AP4E1: variants seen among roughly 807,000 people sequenced by gnomAD.
The protein encoded by AP4E1 is AP-4 complex subunit epsilon-1.
In AP4E1, 56 loss-of-function variants were observed where a neutral mutation model predicts 128.2. The ratio of observed to expected loss-of-function variants is 0.44; its 90% CI spans 0.35 to 0.55. The LOEUF (loss-of-function observed/expected upper bound fraction) is 0.55, where lower values mean the gene tolerates loss of function less well. Among genes scored for constraint, AP4E1 ranks in the 20% least tolerant of loss-of-function variants. The probability of loss-of-function intolerance (pLI) is 0.00; values close to 1 mark genes in which losing one functional copy is unlikely to be tolerated. For synonymous variants in AP4E1, 484 were observed against 473.1 expected (o/e 1.02, Z -0.30); for missense variants, 1,324 against 1,307.7 (o/e 1.01, Z -0.19).
intron 15 of AP4E1, among the ~76,000 whole-genome samples, chr15:50,982,147 C>G (rs1374047991): frequency 6.6e-6 from 1 of 150,576 alleles, no homozygotes; most frequent in East Asian, 2.0e-4. Context: ...ACTATCTTCC[C>G]TTCTGCTTTC....
chr15:50,917,411 T>G (rs1235406561), intron 3 of AP4E1, among the ~76,000 whole-genome samples: 3 of 152,230 alleles, frequency 2.0e-5, no homozygotes, highest in African/African-American at 7.2e-5. Flanking sequence ...ATTTCTTTGC[T>G]TTCTAATCTT....
Position 50,964,955 on chromosome 15 carries a change from C to CCACACACACACACACACACACACACACA in AP4E1, c.1852-3298_1852-3271dup, listed in dbSNP as rs55825810. Among the ~76,000 whole-genome samples, 169 of 131,440 alleles carry CCACACACACACACACACACACACACACA rather than the reference C, an allele frequency of 1.3e-3. 1 individual carries two copies. Among genetic ancestry groups the CCACACACACACACACACACACACACACA allele is most frequent in the Middle Eastern group, 7.2e-3 (2 of 278 alleles). The allele number at this position is 131,440 out of a possible 152,430, so 86.2% of individuals were successfully genotyped here. The stretch of plus-strand genomic sequence containing the variant: ...TTGTAAAGTATAACACCTCCCCCTA[C>CCACACACACACACACACACACACACACA]CACACACACACACACACACACACAC... On this transcript the variant is annotated intron_variant, in intron 14 of 20. Coordinates refer to ENST00000261842, the MANE Select transcript of AP4E1 (RefSeq NM_007347.5).
intron 17 of AP4E1, among the ~76,000 whole-genome samples, chr15:50,993,887 G>T (rs761487414): frequency 2.0e-5 from 3 of 152,182 alleles, no homozygotes; most frequent in Non-Finnish European, 4.4e-5. Context: ...TCCAAATAAG[G>T]TTACAGGTAT....
At chr15:50,939,570 A>G (rs552048224) in intron 8 of AP4E1, among the ~76,000 whole-genome samples, 10 of 152,316 alleles carry the variant, frequency 6.6e-5, no homozygotes, top group Non-Finnish European at 1.2e-4. Flanking sequence ...GGGTGAGAAA[A>G]TAATTTAAAA....
intron 15 of AP4E1, among the ~76,000 whole-genome samples, chr15:50,982,265 A>T (rs537781619): frequency 3.0e-4 from 45 of 152,242 alleles, no homozygotes; most frequent in Admixed American, 1.5e-3. Flanking sequence ...TCTGTTCATT[A>T]TAAATCACCT....
At chr15:51,002,429 G>A (rs183999698) in intron 20 of AP4E1, 73 bp from the exon 21 acceptor site, 2 of 1,518,280 alleles carry the variant, frequency 1.3e-6, no homozygotes, top group African/African-American at 1.4e-5. Context: ...TTAGCCATTT[G>A]TGTATCTTCT....
At chr15:50,927,548 C>G (rs1282690146) in intron 5 of AP4E1, among the ~76,000 whole-genome samples, 1 of 148,280 alleles carries the variant, frequency 6.7e-6, no homozygotes, top group Non-Finnish European at 1.5e-5. Context: ...CTTCATTTAC[C>G]TATTCTCCCC....
chr15:50,921,594 G>A (rs1034689586), intron 3 of AP4E1, among the ~76,000 whole-genome samples: 24 of 151,858 alleles, frequency 1.6e-4, no homozygotes, highest in Middle Eastern at 3.4e-3. Flanking sequence ...CGAGTGATCC[G>A]CCTGCCTCAG....
intron 3 of AP4E1, among the ~76,000 whole-genome samples, chr15:50,923,007 A>G (rs28702388): frequency 0.44 from 66,042 of 151,808 alleles, 14,552 homozygotes; most frequent in East Asian, 0.59. Flanking sequence ...TCGATCTCCT[A>G]ACCTCGTGAT....
rs952323985 is a variant in AP4E1 at position 51,003,717 on chromosome 15, G to A, written c.*1055G>A. Reference sequence around the variant, plus strand: ...ATGAATGATGGACCAAAACCTTGAGGTTGTACATTAACTGAAATAGTATTT... The same window carrying A: ...ATGAATGATGGACCAAAACCTTGAGATTGTACATTAACTGAAATAGTATTT... On this transcript the variant is annotated 3_prime_UTR_variant, in exon 21 of 21. Coordinates refer to ENST00000261842, the MANE Select transcript of AP4E1 (RefSeq NM_007347.5). 9 of 152,628 alleles carry A rather than the reference G, an allele frequency of 5.9e-5. No individual in the cohort carries two copies. The highest frequency in any genetic ancestry group is 2.2e-4 in the African/African-American group (9 of 41,448). 9.5% of individuals were successfully genotyped at this position (152,628 alleles called of 1,614,324 possible). A position where few individuals can be genotyped will look rare whatever the true frequency, so the allele number is the denominator to read the frequency against.
intron 3 of AP4E1, among the ~76,000 whole-genome samples, chr15:50,920,917 G>T (rs1316447178): frequency 1.3e-5 from 2 of 152,130 alleles, no homozygotes; most frequent in Non-Finnish European, 2.9e-5. Context: ...TCCTGCCTCA[G>T]CCTCCCGAGT....
intron 3 of AP4E1, among the ~76,000 whole-genome samples, chr15:50,919,566 ATAAATAAATAAG>A (rs945036563): frequency 1.4e-5 from 2 of 146,110 alleles, no homozygotes; most frequent in African/African-American, 5.5e-5. Context: ...AAATAAATAA[ATAAATAAATAAG>A]TAAATAAATT....
rs78357817 is a variant in AP4E1 at position 50,929,940 on chromosome 15, G to T, written c.702+772G>T. On this transcript the variant is annotated intron_variant, in intron 6 of 20. Coordinates refer to ENST00000261842, the MANE Select transcript of AP4E1 (RefSeq NM_007347.5). ...AAGAATCTAATGTTCCTTTTAAGGA[G>T]TGTGGATATAATTTCCCCAGTCCAA... Among the ~76,000 whole-genome samples, 124 of 152,008 alleles carry T rather than the reference G, an allele frequency of 8.2e-4. 1 individual carries two copies. Among genetic ancestry groups the T allele is most frequent in the African/African-American group, 2.9e-3 (119 of 41,446 alleles).
Position 51,002,676 on chromosome 15 carries a change from A to C in AP4E1, c.*14A>C. On this transcript the variant is annotated 3_prime_UTR_variant, in exon 21 of 21. Transcript: ENST00000261842. ...GAGGGATCCTAGCAGAAGCCCTGCT[A>C]AATTTTACTCCATCAAGATCAATGG... is the stretch of plus-strand genomic sequence containing the variant. 1 of 1,613,892 alleles carries C rather than the reference A, an allele frequency of 6.2e-7. No homozygotes were observed. Among genetic ancestry groups the C allele is most frequent in the Non-Finnish European group, 8.5e-7 (1 of 1,179,902 alleles).
At chr15:50,966,828 C>T (rs1000522472) in intron 14 of AP4E1, among the ~76,000 whole-genome samples, 23 of 152,298 alleles carry the variant, frequency 1.5e-4, no homozygotes, top group African/African-American at 3.1e-4. Flanking sequence ...TGAGCCACCA[C>T]GCGTGGCCTA....
At chr15:51,000,329 T>C (rs564255963) in intron 19 of AP4E1, among the ~76,000 whole-genome samples, 1 of 151,908 alleles carries the variant, frequency 6.6e-6, no homozygotes. Flanking sequence ...TTTGTAGAGA[T>C]AGGGTTTTGC....
chr15:50,913,629 T>A (rs1447433197), intron 2 of AP4E1, among the ~76,000 whole-genome samples: 2 of 152,250 alleles, frequency 1.3e-5, no homozygotes, highest in Middle Eastern at 3.2e-3. Flanking sequence ...TGAGATGTAA[T>A]CTCACTTAGA....
At position 50,925,576 on chromosome 15, in the gene AP4E1, CAT is replaced by C. The variant is rs530715738; in HGVS notation, c.542+360_542+361del. On this transcript the variant is annotated intron_variant, in intron 5 of 20. Coordinates refer to ENST00000261842, the MANE Select transcript of AP4E1 (RefSeq NM_007347.5). The stretch of plus-strand genomic sequence containing the variant: ...GGGGATAAAGTGAAATAATGAAAAA[CAT>C]ATGGAAATTGTGCAAGTGTTGTGAA... Among the ~76,000 whole-genome samples, 9 of 150,780 alleles carry C rather than the reference CAT, an allele frequency of 6.0e-5. No homozygotes were observed. In the South Asian group the frequency reaches 6.3e-4, roughly 11 times the overall value.
intron 8 of AP4E1, among the ~76,000 whole-genome samples, chr15:50,936,486 G>C (rs2063909898): frequency 6.6e-6 from 1 of 151,808 alleles, no homozygotes; most frequent in African/African-American, 2.4e-5. Context: ...AGGTACAAAA[G>C]GGTATACAAT....
Sources: allele counts gnomAD v4.1 joint callset (sites outside exome capture counted in the v4.1 genomes callset), GRCh38; gene constraint gnomAD v4.1.1; transcripts MANE v1.5; gene names NCBI Gene and HGNC (gene_info 2026-07-23, HGNC 2026-07-21).